Variants in IPCEF1 observed in about 807,000 individuals in gnomAD.
IPCEF1 encodes the protein interactor protein for cytohesin exchange factors 1.
In IPCEF1, 31 loss-of-function variants were observed where a neutral mutation model predicts 50.9. The observed-to-expected ratio is 0.61, with a 90% CI of 0.46 to 0.82. The LOEUF (loss-of-function observed/expected upper bound fraction) is 0.82, where lower values mean the gene tolerates loss of function less well. Among genes scored for constraint, IPCEF1 ranks in the 40% least tolerant of loss-of-function variants. IPCEF1 has a pLI of 0.00. For synonymous variants in IPCEF1, 181 were observed against 192.0 expected (o/e 0.94, Z 0.47); for missense variants, 458 against 514.0 (o/e 0.89, Z 1.05).
At chr6:154,263,661 G>A (rs1370186251) in intron 3 of IPCEF1, among the ~76,000 whole-genome samples, 63 of 88,482 alleles carry the variant, frequency 7.1e-4, no homozygotes, top group South Asian at 4.8e-3. Flanking sequence ...ACACAGACAC[G>A]GCAACCATCC....
At chr6:154,307,068 C>A (rs1782954256) in intron 1 of IPCEF1, among the ~76,000 whole-genome samples, 1 of 152,098 alleles carries the variant, frequency 6.6e-6, no homozygotes, top group Non-Finnish European at 1.5e-5. Context: ...GTTTTAGGGC[C>A]CATACTAATG....
At chr6:154,192,900 A>G (rs917784532) in intron 10 of IPCEF1, among the ~76,000 whole-genome samples, 1 of 152,210 alleles carries the variant, frequency 6.6e-6, no homozygotes, top group African/African-American at 2.4e-5. Flanking sequence ...AACAGGGATC[A>G]CTTCTACACT....
chr6:154,202,039 A>G (rs1777111111), intron 9 of IPCEF1, among the ~76,000 whole-genome samples: 1 of 152,214 alleles, frequency 6.6e-6, no homozygotes, highest in Non-Finnish European at 1.5e-5. Context: ...TTCCAAATCA[A>G]TATGGTCCCC....
At chr6:154,206,869 C>T (rs765204479) in intron 9 of IPCEF1, among the ~76,000 whole-genome samples, 4 of 152,134 alleles carry the variant, frequency 2.6e-5, no homozygotes, top group African/African-American at 7.2e-5. Context: ...GTTGGGCTGA[C>T]GATAAGGGCA....
Position 154,246,656 on chromosome 6 carries a change from T to C in IPCEF1, c.181A>G (p.Asn61Asp). 6.2e-7 allele frequency: 1 copy of C among 1,614,114 alleles called. No individual in the cohort carries two copies. Among genetic ancestry groups the C allele is most frequent in the Non-Finnish European group, 8.5e-7 (1 of 1,180,006 alleles). ...KKKEKGSFLS[N>D]KWKKFWVILK... is the part of the protein sequence containing the mutation. ...ATCACCCAGAACTTTTTCCATTTGTTGCTTAGGAAACTTCCCTTTTCCTTT... is the reference window on the plus strand; with the variant it reads ...ATCACCCAGAACTTTTTCCATTTGTCGCTTAGGAAACTTCCCTTTTCCTTT... The change falls in exon 5 of 12, where the codon AAC (asparagine) becomes GAC (aspartate). Residue 61 changes from asparagine to aspartate, a missense_variant. Asn to Asp is a conservative substitution (Grantham distance 23). Transcript: ENST00000367220.
At chr6:154,292,526 A>G (rs1215277069) in intron 1 of IPCEF1, among the ~76,000 whole-genome samples, 11 of 152,240 alleles carry the variant, frequency 7.2e-5, no homozygotes, top group Non-Finnish European at 4.4e-5. Flanking sequence ...CAGCAAGTCT[A>G]GCTCAGTGGC....
Position 154,335,978 on chromosome 6 carries a change from G to A in IPCEF1, c.-62+20694C>T, listed in dbSNP as rs115525821. Among the ~76,000 whole-genome samples, 1,035 of 152,164 alleles carry A rather than the reference G, an allele frequency of 6.8e-3. 15 individuals are homozygous for A. The highest frequency in any genetic ancestry group is 0.024 in the African/African-American group (994 of 41,522). The stretch of plus-strand genomic sequence containing the variant: ...GAAAAAACTGCAATGAAATATCATC[G>A]CATGCCAGTTAGAATGGCTATTATT... On this transcript the variant is annotated intron_variant, in intron 1 of 11. Transcript: ENST00000367220.
intron 2 of IPCEF1, among the ~76,000 whole-genome samples, chr6:154,282,354 C>T (rs1176874057): frequency 2.6e-5 from 4 of 152,014 alleles, no homozygotes; most frequent in East Asian, 3.9e-4. Flanking sequence ...ATCTCTTTCG[C>T]GGGACCAGAG....
At chr6:154,216,524 T>A (rs1195801968) in intron 7 of IPCEF1, among the ~76,000 whole-genome samples, 4 of 152,206 alleles carry the variant, frequency 2.6e-5, no homozygotes, top group Non-Finnish European at 5.9e-5. Flanking sequence ...TGTTTTTGTA[T>A]GTGCATGAAT....
chr6:154,298,041 T>G (rs2128673159), intron 1 of IPCEF1, among the ~76,000 whole-genome samples: 1 of 152,324 alleles, frequency 6.6e-6, no homozygotes, highest in East Asian at 1.9e-4. Flanking sequence ...AACCAGCATA[T>G]AAAGCACAGA....
intron 1 of IPCEF1, among the ~76,000 whole-genome samples, chr6:154,353,430 T>C (rs1304725743): frequency 6.6e-6 from 1 of 151,780 alleles, no homozygotes; most frequent in East Asian, 1.9e-4. Flanking sequence ...TGGGATTACG[T>C]GCGCCCGCAC....
rs561606660 is a variant in IPCEF1, at chr6:154,228,361, G to C, written c.247-5118C>G. Among the ~76,000 whole-genome samples the C allele has an allele frequency of 3.3e-5, 5 of 151,606 alleles. No individual in the cohort carries two copies. In the East Asian group the frequency reaches 9.7e-4, roughly 29 times the overall value. ...ATGCTGGTACCTGCAAGCTTCCCTCGAAATCCTGATGTAATAAAAAACTTG... is the reference window on the plus strand; with the variant it reads ...ATGCTGGTACCTGCAAGCTTCCCTCCAAATCCTGATGTAATAAAAAACTTG... On this transcript the variant is annotated intron_variant, in intron 5 of 11. Coordinates refer to ENST00000367220, the MANE Select transcript of IPCEF1 (RefSeq NM_001130700.2).
At chr6:154,209,635 CTG>C (rs1342271480) in intron 9 of IPCEF1, among the ~76,000 whole-genome samples, 1 of 128,788 alleles carries the variant, frequency 7.8e-6, no homozygotes, top group Non-Finnish European at 1.6e-5. Flanking sequence ...CAGACTGAGA[CTG>C]TGTCTCAAAA....
At chr6:154,347,488 G>A (rs767980471) in intron 1 of IPCEF1, among the ~76,000 whole-genome samples, 11 of 152,178 alleles carry the variant, frequency 7.2e-5, no homozygotes, top group East Asian at 1.9e-4. Context: ...CTTTAACACC[G>A]TCCCTTGCAG....
intron 1 of IPCEF1, among the ~76,000 whole-genome samples, chr6:154,356,320 C>G (rs958918871): frequency 3.9e-5 from 6 of 152,170 alleles, no homozygotes; most frequent in Admixed American, 2.0e-4. Flanking sequence ...GAGGGCGGCC[C>G]CAGAGTGCTT....
intron 1 of IPCEF1, among the ~76,000 whole-genome samples, chr6:154,303,135 A>G (rs1429680287): frequency 7.7e-6 from 1 of 130,048 alleles, no homozygotes; most frequent in African/African-American, 3.0e-5. Context: ...TCTGTCACCC[A>G]GGCTGGAGTG....
At chr6:154,175,592 G>T (rs184224474) in intron 10 of IPCEF1, among the ~76,000 whole-genome samples, 136 of 152,086 alleles carry the variant, frequency 8.9e-4, no homozygotes, top group Non-Finnish European at 1.5e-3. Flanking sequence ...GAAATTCATG[G>T]ACACATACAC....
At chr6:154,290,026 A>G (rs1235036690) in intron 1 of IPCEF1, among the ~76,000 whole-genome samples, 2 of 152,160 alleles carry the variant, frequency 1.3e-5, no homozygotes, top group Non-Finnish European at 2.9e-5. Flanking sequence ...TAGTTGTTAA[A>G]CTGGCTCTCT....
At chr6:154,180,402 A>AT (rs773970493) in intron 10 of IPCEF1, among the ~76,000 whole-genome samples, 1 of 138,674 alleles carries the variant, frequency 7.2e-6, no homozygotes, top group Non-Finnish European at 1.5e-5. Flanking sequence ...ATATATATAT[A>AT]TATATATATA....
Sources: allele counts gnomAD v4.1 joint callset (sites outside exome capture counted in the v4.1 genomes callset), GRCh38; gene constraint gnomAD v4.1.1; transcripts MANE v1.5; gene names NCBI Gene and HGNC (gene_info 2026-07-23, HGNC 2026-07-21).